Variants in CPD observed in about 807,000 individuals in gnomAD.
CPD encodes carboxypeptidase D, also known as metallocarboxypeptidase D.
A neutral mutation model predicts 138.3 loss-of-function variants in CPD; 69 were observed. That is an observed-to-expected ratio of 0.50 (90% CI 0.41 to 0.61). The LOEUF is 0.61. CPD is among the 20% of genes least tolerant of loss of function. CPD has a pLI of 0.00. For missense variants in CPD, 1,432 were observed against 1,733.3 expected, an observed-to-expected ratio of 0.83 and a Z score of 3.09; for synonymous variants, 651 against 642.1, an observed-to-expected ratio of 1.01 and a Z score of -0.21.
At position 30,420,856 on chromosome 17, in the gene CPD, A is replaced by G. The variant is rs752966210; in HGVS notation, c.1010A>G (p.Tyr337Cys). ...TATGTTACAGGTGGTATGCAAGATTACAATTATGTGTGGGCCAACTGTTTT... is the reference window on the plus strand; with the variant it reads ...TATGTTACAGGTGGTATGCAAGATTGCAATTATGTGTGGGCCAACTGTTTT... Reference protein sequence around the residue: ...WYDVEGGMQDYNYVWANCFEI... With the variant: ...WYDVEGGMQDCNYVWANCFEI... Residue 337 changes from tyrosine to cysteine, a missense_variant, in exon 3 of 21, where the codon TAC (tyrosine) becomes TGC (cysteine). Transcript: ENST00000225719. 2.5e-6 allele frequency: 4 copies of G among 1,611,024 alleles called. No individual in the cohort carries two copies. Among genetic ancestry groups the G allele is most frequent in the Admixed American group, 3.3e-5 (2 of 59,884 alleles).
At chr17:30,455,862 C>T (rs17731259) in intron 15 of CPD, 4,056 of 246,400 alleles carry the variant, frequency 0.016, 51 homozygotes, top group Non-Finnish European at 0.023. Context: ...AGTGGTTGCA[C>T]CTTATGGTGA....
chr17:30,418,962 G>C (rs112283143), intron 2 of CPD, among the ~76,000 whole-genome samples: 3 of 152,056 alleles, frequency 2.0e-5, no homozygotes, highest in African/African-American at 7.2e-5. Flanking sequence ...TTTTTGGTGC[G>C]TACACTTAAC....
At chr17:30,455,511 A>C in intron 15 of CPD, 41 bp downstream of exon 15, 1 of 1,583,042 alleles carries the variant, frequency 6.3e-7, no homozygotes, top group Non-Finnish European at 8.6e-7. Context: ...GTTTAAGCTT[A>C]GGTAGCAAAT....
chr17:30,439,519 T>C (rs1177929902), intron 9 of CPD, among the ~76,000 whole-genome samples: 1 of 135,062 alleles, frequency 7.4e-6, no homozygotes, highest in Admixed American at 7.5e-5. Context: ...TAACTCGTCA[T>C]CTAGCATTAG....
At chr17:30,458,401 A>T (rs1384720699) in intron 17 of CPD, among the ~76,000 whole-genome samples, 2 of 152,154 alleles carry the variant, frequency 1.3e-5, no homozygotes, top group East Asian at 3.9e-4. Context: ...TGCAGTTGTT[A>T]TCCTATCTAA....
chr17:30,421,098 T>A (rs1053376012), intron 3 of CPD, 115 bp downstream of exon 3: 2 of 688,266 alleles, frequency 2.9e-6, no homozygotes, highest in Admixed American at 6.8e-5. Flanking sequence ...TCTCTTTTTA[T>A]TACTTAAGAT....
chr17:30,381,682 A>G (rs1326255599), intron 1 of CPD, among the ~76,000 whole-genome samples: 1 of 152,228 alleles, frequency 6.6e-6, no homozygotes, highest in African/African-American at 2.4e-5. Context: ...TTTGATATTG[A>G]TGCCTAAATA....
intron 2 of CPD, among the ~76,000 whole-genome samples, chr17:30,397,737 C>CAAAAAAAAAAAAAAA (rs71138885): frequency 3.1e-5 from 1 of 31,850 alleles, no homozygotes; most frequent in African/African-American, 1.0e-4. Flanking sequence ...ACTCCTGTCT[C>CAAAAAAAAAAAAAAA]AAAAAAAAAA....
In CPD at chr17:30,385,191, T is replaced by G. The variant is rs1911146781; in HGVS notation, c.949T>G (p.Phe317Val). The G allele has an allele frequency of 1.2e-6, 2 of 1,613,928 alleles. No individual in the cohort carries two copies. The highest frequency in any genetic ancestry group is 2.7e-5 in the African/African-American group (2 of 74,896). The stretch of plus-strand genomic sequence containing the variant: ...TTGTCCAGGAGATGAAGACGAGACT[T>G]TCAAAGATGGAATCACAAACGGCGC... ...PHCPGDEDETFKDGITNGAHW... is the reference protein window; with the variant it reads ...PHCPGDEDETVKDGITNGAHW... Residue 317 changes from phenylalanine (F) to valine (V), a missense_variant, in exon 2 of 21, where the codon TTC (phenylalanine) becomes GTC (valine). Physicochemically the swap from Phe to Val is conservative, Grantham distance 50 (BLOSUM62 -1). Coordinates refer to ENST00000225719, the MANE Select transcript of CPD (RefSeq NM_001304.5).
chr17:30,441,675 GT>G (rs1359758604), intron 9 of CPD, among the ~76,000 whole-genome samples: 2 of 121,354 alleles, frequency 1.6e-5, no homozygotes, highest in East Asian at 4.6e-4. Flanking sequence ...TAATCATGTG[GT>G]TTTTGTCTTT....
At chr17:30,396,951 CAT>C (rs1911525422) in intron 2 of CPD, among the ~76,000 whole-genome samples, 1 of 151,974 alleles carries the variant, frequency 6.6e-6, no homozygotes, top group Admixed American at 6.6e-5. Context: ...GGTTCTATCT[CAT>C]ATTCTCTTCT....
chr17:30,385,305 C>A, intron 2 of CPD, 69 bp downstream of exon 2: 4 of 1,500,346 alleles, frequency 2.7e-6, no homozygotes, highest in South Asian at 1.3e-5. Context: ...GTATTCTGAG[C>A]AAAAAAGAAG....
chr17:30,462,457 G>A lies in CPD; in HGVS notation c.3904G>A (p.Val1302Ile), dbSNP rs1283251740. 2.5e-6 allele frequency: 4 copies of A among 1,613,122 alleles called. No individual in the cohort carries two copies. Among genetic ancestry groups the A allele is most frequent in the Non-Finnish European group, 3.4e-6 (4 of 1,179,314 alleles). ...RIFGLPRELV[V>I]TVSGATMSAL... ...ATTTGGTTTGCCAAGGGAGCTTGTGGTAACTGTATCAGGTAAAGACATTTT... is the reference window on the plus strand; with the variant it reads ...ATTTGGTTTGCCAAGGGAGCTTGTGATAACTGTATCAGGTAAAGACATTTT... The change falls in exon 20 of 21, where the codon GTA (valine) becomes ATA (isoleucine). Residue 1302 changes from valine (V) to isoleucine (I), a missense_variant. Physicochemically the swap from Val to Ile is conservative, Grantham distance 29. Transcript: ENST00000225719.
intron 9 of CPD, among the ~76,000 whole-genome samples, chr17:30,441,989 C>T (rs946985830): frequency 1.3e-4 from 19 of 151,292 alleles, no homozygotes; most frequent in African/African-American, 4.1e-4. Context: ...AGGAATGGTA[C>T]CAGTTCCTCC....
At chr17:30,455,691 A>G in intron 15 of CPD, 2 of 462,302 alleles carry the variant, frequency 4.3e-6, no homozygotes, top group Non-Finnish European at 7.6e-6. Flanking sequence ...ATCTTGTTCC[A>G]TCTGTTCCAT....
In CPD at chr17:30,445,961, C is replaced by G. The variant is rs1191915376; in HGVS notation, c.2814C>G (p.Asp938Glu). Residue 938 changes from aspartate (D) to glutamate (E), a missense_variant, in exon 12 of 21, where the codon GAC becomes GAG. Physicochemically the swap from Asp to Glu is conservative, Grantham distance 45. Coordinates refer to ENST00000225719, the MANE Select transcript of CPD (RefSeq NM_001304.5). Reference sequence around the variant, plus strand: ...TTTATCGATACCATTCCTACAAAGACTTATCAGAGTTTCTGAGAGGACTTG... The same window carrying G: ...TTTATCGATACCATTCCTACAAAGAGTTATCAGAGTTTCTGAGAGGACTTG... ...LALYRYHSYK[D>E]LSEFLRGLVM... is the part of the protein sequence containing the mutation. 1.2e-6 allele frequency: 2 copies of G among 1,613,878 alleles called. No individual in the cohort carries two copies. The highest frequency in any genetic ancestry group is 1.7e-6 in the Non-Finnish European group (2 of 1,179,902).
At position 30,423,589 on chromosome 17, in the gene CPD, CT is replaced by C; in HGVS notation, c.1744del (p.Cys582ValfsTer25). 1 of 1,612,018 alleles carries C rather than the reference CT, an allele frequency of 6.2e-7. No individual in the cohort carries two copies. The highest frequency in any genetic ancestry group is 8.5e-7 in the Non-Finnish European group (1 of 1,179,048). On this transcript the variant is annotated frameshift_variant, in exon 6 of 21. Coordinates refer to ENST00000225719, the MANE Select transcript of CPD (RefSeq NM_001304.5). LOFTEE classifies it high-confidence loss of function. Reference protein sequence around the residue: ...RELLLNLIEYLCKNFGTDPEV... With the variant: ...RELLLNLIEYXCKNFGTDPEV... ...ACTGCTGTTGAACCTCATAGAATACCTTTGTAAGAACTTTGGAACAGACCCT... is the reference window on the plus strand; with the variant it reads ...ACTGCTGTTGAACCTCATAGAATACCTTGTAAGAACTTTGGAACAGACCCT...
At chr17:30,423,437 C>T (rs766480528) in intron 5 of CPD, 69 bp from the exon 6 acceptor site, 358 of 1,191,172 alleles carry the variant, frequency 3.0e-4, no homozygotes, top group Non-Finnish European at 3.7e-4. Flanking sequence ...ATATATGTTG[C>T]GGAAAAAAAC....
chr17:30,398,546 A>G (rs1209521389), intron 2 of CPD, among the ~76,000 whole-genome samples: 3 of 152,178 alleles, frequency 2.0e-5, no homozygotes, highest in Admixed American at 6.5e-5. Flanking sequence ...AGGCCTATCT[A>G]CAGATCAGTG....
Sources: allele counts gnomAD v4.1 joint callset (sites outside exome capture counted in the v4.1 genomes callset), GRCh38; gene constraint gnomAD v4.1.1; transcripts MANE v1.5; gene names NCBI Gene and HGNC (gene_info 2026-07-23, HGNC 2026-07-21).